SLC35A5: variants seen among roughly 807,000 people sequenced by gnomAD.
SLC35A5 encodes UDP-sugar transporter protein SLC35A5.
Under a neutral mutation model 36.3 loss-of-function variants are expected in SLC35A5, and 28 were observed. That is an observed-to-expected ratio of 0.77 (90% confidence interval 0.57 to 1.06). The LOEUF (loss-of-function observed/expected upper bound fraction) is 1.06, where lower values mean the gene tolerates loss of function less well. SLC35A5 is among the 50% of genes least tolerant of loss of function. The probability of loss-of-function intolerance (pLI) is 0.00; values close to 1 mark genes in which losing one functional copy is unlikely to be tolerated. For missense variants in SLC35A5, 521 were observed against 499.3 expected (o/e 1.04, Z -0.41); for synonymous variants, 180 against 173.7 (o/e 1.04, Z -0.29).
chr3:112,580,740 A>G lies in SLC35A5; in HGVS notation c.623A>G (p.Lys208Arg). ...CCCAGAAAAGACAATTGTACAGCAAAGGAATGGACTTTTCCTGAAGCTAAA... is the reference window on the plus strand; with the variant it reads ...CCCAGAAAAGACAATTGTACAGCAAGGGAATGGACTTTTCCTGAAGCTAAA... ...ECPRKDNCTA[K>R]EWTFPEAKWN... is the part of the protein sequence containing the mutation. The change falls in exon 6 of 7, where the codon AAG (lysine) becomes AGG (arginine). Residue 208 changes from lysine to arginine, a missense_variant. Coordinates refer to ENST00000492406, the MANE Select transcript of SLC35A5 (RefSeq NM_017945.5). The G allele has an allele frequency of 6.2e-7, 1 of 1,614,194 alleles. No homozygotes were observed. The highest frequency in any genetic ancestry group is 1.3e-5 in the African/African-American group (1 of 75,058).
intron 4 of SLC35A5, among the ~76,000 whole-genome samples, chr3:112,573,116 TA>T (rs1934518508): frequency 6.6e-6 from 1 of 152,176 alleles, no homozygotes; most frequent in African/African-American, 2.4e-5. Context: ...ATATGACTGT[TA>T]ATATCTTTTG....
chr3:112,570,504 C>G (rs749657194), intron 3 of SLC35A5, 36 bp from the exon 4 acceptor site: 1 of 1,572,518 alleles, frequency 6.4e-7, no homozygotes, highest in East Asian at 2.3e-5. Flanking sequence ...TGTGGGCATT[C>G]TCATCAAGGT....
chr3:112,572,938 G>A (rs1390846262), intron 4 of SLC35A5, among the ~76,000 whole-genome samples: 2 of 152,140 alleles, frequency 1.3e-5, no homozygotes, highest in East Asian at 3.8e-4. Context: ...GGGTTCACAG[G>A]CATTTGCCTA....
chr3:112,575,111 T>C (rs1340363071), intron 5 of SLC35A5, among the ~76,000 whole-genome samples: 2 of 152,158 alleles, frequency 1.3e-5, no homozygotes, highest in Non-Finnish European at 2.9e-5. Flanking sequence ...ATAATATTTG[T>C]ATATTGATTC....
chr3:112,565,823 T>C lies in SLC35A5; in HGVS notation c.130+2290T>C, dbSNP rs1289178641. 5.3e-5 allele frequency among the ~76,000 whole-genome samples: 8 copies of C among 152,064 alleles called. No homozygotes were observed. The East Asian group carries it at 1.5e-3, about 29-fold the overall frequency. On this transcript the variant is annotated intron_variant, in intron 2 of 6. Transcript: ENST00000492406. ...GACTCAGAAGAAAGAGAAGGAGTGG[T>C]TGGCTGGAGAGAGGTTGGTAAGTCT...
At chr3:112,570,462 A>T in intron 3 of SLC35A5, 78 bp from the exon 4 acceptor site, 1 of 1,429,690 alleles carries the variant, frequency 7.0e-7, no homozygotes, top group Non-Finnish European at 9.4e-7. Flanking sequence ...GAATTGTATC[A>T]GTAATCAAGT....
At chr3:112,576,573 C>G (rs1356097228) in intron 5 of SLC35A5, among the ~76,000 whole-genome samples, 1 of 152,202 alleles carries the variant, frequency 6.6e-6, no homozygotes, top group Non-Finnish European at 1.5e-5. Context: ...CCCCTGATAA[C>G]TACCATTTCA....
In SLC35A5 at chr3:112,583,130, C is replaced by T. The variant is rs1468753411; in HGVS notation, c.*394C>T. 1.0e-5 allele frequency: 4 copies of T among 398,728 alleles called. No homozygotes were observed. The highest frequency in any genetic ancestry group is 1.8e-5 in the Non-Finnish European group (4 of 226,298). The allele number at this position is 398,728 out of a possible 1,614,324, so 24.7% of individuals were successfully genotyped here. A position where few individuals can be genotyped will look rare whatever the true frequency, so the allele number is the denominator to read the frequency against. On this transcript the variant is annotated 3_prime_UTR_variant, in exon 7 of 7. Coordinates refer to ENST00000492406, the MANE Select transcript of SLC35A5 (RefSeq NM_017945.5). ...GTAGTTCTAGTTTACATGCCAAAGT[C>T]TTCCCTTTTTAACATTATAAAAGCT...
Position 112,582,701 on chromosome 3 carries a change from C to T in SLC35A5, c.1240C>T (p.Pro414Ser). Residue 414 changes from proline (P) to serine (S), a missense_variant, in exon 7 of 7, where the codon CCC becomes TCC. Pro to Ser is a moderately conservative substitution (Grantham distance 74). Coordinates refer to ENST00000492406, the MANE Select transcript of SLC35A5 (RefSeq NM_017945.5). The part of the protein sequence containing the change: ...DGEELERLTK[P>S]KSDESDEDTF Reference sequence around the variant, plus strand: ...AGAAGAACTAGAAAGACTTACCAAACCCAAGAGTGATGAGTCAGATGAAGA... The same window carrying T: ...AGAAGAACTAGAAAGACTTACCAAATCCAAGAGTGATGAGTCAGATGAAGA... The T allele has an allele frequency of 6.2e-7, 1 of 1,612,782 alleles. No homozygotes were observed. The highest frequency in any genetic ancestry group is 1.1e-5 in the South Asian group (1 of 91,002).
At chr3:112,568,771 CAAG>C (rs1934308347) in intron 2 of SLC35A5, among the ~76,000 whole-genome samples, 1 of 152,196 alleles carries the variant, frequency 6.6e-6, no homozygotes, top group Admixed American at 6.5e-5. Flanking sequence ...AAAGAAATCA[CAAG>C]AAGAATTATG....
At chr3:112,566,377 G>A (rs550559807) in intron 2 of SLC35A5, among the ~76,000 whole-genome samples, 16 of 152,144 alleles carry the variant, frequency 1.1e-4, no homozygotes, top group South Asian at 6.2e-4. Context: ...GTAGGTTTTC[G>A]TTTGGATATT....
At chr3:112,571,589 A>T (rs1183572752) in intron 4 of SLC35A5, among the ~76,000 whole-genome samples, 1 of 152,210 alleles carries the variant, frequency 6.6e-6, no homozygotes, top group Non-Finnish European at 1.5e-5. Context: ...TAGGTAATTT[A>T]TAAAGGAAAG....
intron 5 of SLC35A5, among the ~76,000 whole-genome samples, chr3:112,576,426 ATCT>A (rs1934682692): frequency 6.7e-6 from 1 of 149,544 alleles, no homozygotes; most frequent in South Asian, 2.1e-4. Context: ...CGTCCAGCCC[ATCT>A]TAACAATTTT....
intron 5 of SLC35A5, among the ~76,000 whole-genome samples, chr3:112,579,775 C>G (rs2107445877): frequency 6.6e-6 from 1 of 152,270 alleles, no homozygotes; most frequent in East Asian, 1.9e-4. Context: ...AGCATAAATT[C>G]CTTGAACATG....
intron 4 of SLC35A5, among the ~76,000 whole-genome samples, 185 bp from the exon 5 acceptor site, chr3:112,573,704 A>G (rs544879153): frequency 5.9e-5 from 9 of 152,386 alleles, no homozygotes; most frequent in African/African-American, 2.2e-4. Context: ...CAATAATTTG[A>G]TCATATCTAC....
At position 112,578,935 on chromosome 3, in the gene SLC35A5, C is replaced by T. The variant is rs190069945; in HGVS notation, c.429-1611C>T. 1.5e-3 allele frequency among the ~76,000 whole-genome samples: 227 copies of T among 152,096 alleles called. 1 individual carries two copies. Among genetic ancestry groups the T allele is most frequent in the Middle Eastern group, 3.4e-3 (1 of 294 alleles). On this transcript the variant is annotated intron_variant, in intron 5 of 6. Coordinates refer to ENST00000492406, the MANE Select transcript of SLC35A5 (RefSeq NM_017945.5). ...GCTACTTAATGTGTATCAGCTGCAC[C>T]TTCAGAAATTTAAGTGGTTAGTTCA...
At chr3:112,566,190 A>C (rs771009790) in intron 2 of SLC35A5, among the ~76,000 whole-genome samples, 4 of 152,204 alleles carry the variant, frequency 2.6e-5, no homozygotes, top group Non-Finnish European at 4.4e-5. Context: ...TTGAATGCTG[A>C]GTGGATTGAT....
intron 2 of SLC35A5, among the ~76,000 whole-genome samples, chr3:112,565,417 G>A (rs917654653): frequency 2.0e-5 from 3 of 152,140 alleles, no homozygotes; most frequent in Non-Finnish European, 1.5e-5. Flanking sequence ...CCTGTAAAAG[G>A]GAACAGAGGC....
chr3:112,574,154 G>C (rs979493807), intron 5 of SLC35A5, among the ~76,000 whole-genome samples, 198 bp downstream of exon 5: 2 of 152,158 alleles, frequency 1.3e-5, no homozygotes, highest in Non-Finnish European at 2.9e-5. Context: ...GTGATCAGAT[G>C]AATGAAAATG....
Sources: gnomAD v4.1 joint callset for allele counts (sites outside exome capture counted in the v4.1 genomes callset) on GRCh38, gnomAD v4.1.1 for gene constraint, MANE v1.5 for transcripts, NCBI Gene and HGNC (gene_info 2026-07-23, HGNC 2026-07-21) for gene names.